The following SGSM1 variants were observed in gnomAD, a reference collection of about 807,000 sequenced individuals.
SGSM1 encodes small G protein signaling modulator 1, also known as RUN and TBC1 domain containing 2.
In SGSM1, 73 loss-of-function variants were observed where a neutral mutation model predicts 133.8. That is an observed-to-expected ratio of 0.55 (90% CI 0.45 to 0.66). SGSM1 has a LOEUF of 0.66. SGSM1 is among the 30% of genes least tolerant of loss of function. The pLI is 0.00. For synonymous variants in SGSM1, 563 were observed against 573.0 expected (o/e 0.98, Z 0.25); for missense variants, 1,213 against 1,448.1 (o/e 0.84, Z 2.64).
Position 24,920,154 on chromosome 22 carries a change from C to T in SGSM1, c.3193+161C>T, listed in dbSNP as rs146987646. 4.4e-4 allele frequency among the ~76,000 whole-genome samples: 67 copies of T among 152,268 alleles called. 1 individual carries two copies. In the East Asian group the frequency reaches 0.012, roughly 27 times the overall value. ...GGCTATTTCCAAAAGGACGAGTTCA[C>T]ATCTTGTAATGCTGAGGGTGCATTT... On this transcript the variant is annotated intron_variant, in intron 24 of 24. Transcript: ENST00000400358.
At chr22:24,867,602 C>T (rs1471867357) in intron 10 of SGSM1, among the ~76,000 whole-genome samples, 3 of 152,290 alleles carry the variant, frequency 2.0e-5, no homozygotes, top group Admixed American at 6.5e-5. Context: ...GCTCCAGAGC[C>T]GGGACTGGAC....
intron 21 of SGSM1, 86 bp downstream of exon 21, chr22:24,905,273 G>A (rs1440132373): frequency 2.3e-6 from 3 of 1,328,470 alleles, no homozygotes; most frequent in African/African-American, 1.4e-5. Context: ...TTGTGACTCT[G>A]TAGAATGTGG....
intron 2 of SGSM1, among the ~76,000 whole-genome samples, chr22:24,825,441 A>G (rs7292826): frequency 0.6 from 90,725 of 151,814 alleles, 28,523 homozygotes; most frequent in East Asian, 0.86. Context: ...TATGTTTTAT[A>G]TTTTTTGAGA....
chr22:24,907,027 C>G (rs144212093), intron 21 of SGSM1, among the ~76,000 whole-genome samples: 1 of 147,472 alleles, frequency 6.8e-6, no homozygotes, highest in Non-Finnish European at 1.5e-5. Context: ...TTGGGAGCCT[C>G]GGTGGGTGGA....
At chr22:24,848,835 C>T (rs919351242) in intron 4 of SGSM1, among the ~76,000 whole-genome samples, 1 of 152,256 alleles carries the variant, frequency 6.6e-6, no homozygotes, top group Non-Finnish European at 1.5e-5. Context: ...ATGAGAATGG[C>T]CCTTTCCTTG....
In SGSM1 at chr22:24,900,917, C is replaced by T. The variant is rs187506234; in HGVS notation, c.2611-916C>T. ...TTAAGACCCAGGTGGAAGGTAGATT[C>T]CTCAAGAGAGGGGTTTTCTTCTGCT... On this transcript the variant is annotated intron_variant, in intron 19 of 24. Transcript: ENST00000400358. 7.8e-4 allele frequency among the ~76,000 whole-genome samples: 119 copies of T among 152,200 alleles called. 1 individual carries two copies. The highest frequency in any genetic ancestry group is 3.4e-3 in the Middle Eastern group (1 of 294).
At chr22:24,885,339 T>C (rs1932538285) in intron 15 of SGSM1, among the ~76,000 whole-genome samples, 1 of 152,082 alleles carries the variant, frequency 6.6e-6, no homozygotes, top group African/African-American at 2.4e-5. Context: ...TATTAATTCA[T>C]TATAGCCTCC....
At chr22:24,807,888 CGTGTGT>C (rs71189301) in intron 2 of SGSM1, among the ~76,000 whole-genome samples, 2 of 147,664 alleles carry the variant, frequency 1.4e-5, no homozygotes, top group Non-Finnish European at 3.0e-5. Context: ...TATGTGCCTG[CGTGTGT>C]GTGTGTGTGT....
At chr22:24,808,271 G>A (rs547205832) in intron 2 of SGSM1, among the ~76,000 whole-genome samples, 34 of 151,882 alleles carry the variant, frequency 2.2e-4, no homozygotes, top group East Asian at 3.9e-4. Flanking sequence ...CACCATGTCC[G>A]GCTAATTTTT....
chr22:24,867,499 T>C (rs2147872983), intron 10 of SGSM1, among the ~76,000 whole-genome samples: 1 of 152,348 alleles, frequency 6.6e-6, no homozygotes. Context: ...ACATGCCCGT[T>C]ATTCAGTCAT....
At position 24,844,916 on chromosome 22, in the gene SGSM1, A is replaced by G. The variant is rs1569144148; in HGVS notation, c.83A>G (p.Glu28Gly). ...VKKEVKQIME[E>G]AVTRKFVHED... ...TTCCAGGTGAAGCAGATCATGGAGGAGGCTGTGACACGCAAGTTTGTCCAC... is the reference window on the plus strand; with the variant it reads ...TTCCAGGTGAAGCAGATCATGGAGGGGGCTGTGACACGCAAGTTTGTCCAC... The change falls in exon 3 of 25, where the codon GAG becomes GGG. Residue 28 changes from glutamate (E) to glycine (G), a missense_variant. Glu to Gly is a moderately conservative substitution (Grantham distance 98, BLOSUM62 -2). Transcript: ENST00000400358. The G allele has an allele frequency of 1.2e-6, 2 of 1,613,682 alleles. No individual in the cohort carries two copies. The highest frequency in any genetic ancestry group is 1.3e-5 in the African/African-American group (1 of 74,948).
intron 15 of SGSM1, among the ~76,000 whole-genome samples, chr22:24,884,817 T>A: frequency 6.6e-6 from 1 of 152,150 alleles, no homozygotes; most frequent in East Asian, 1.9e-4. Context: ...GAAAATGAAA[T>A]TTTAAAAAGA....
chr22:24,915,343 G>A (rs932161435), intron 22 of SGSM1, among the ~76,000 whole-genome samples: 5 of 152,238 alleles, frequency 3.3e-5, no homozygotes, highest in African/African-American at 1.2e-4. Flanking sequence ...GAGTCCAATT[G>A]CTGGAGCAGA....
Position 24,924,358 on chromosome 22 carries a change from C to A in SGSM1, c.*84C>A. On this transcript the variant is annotated 3_prime_UTR_variant, in exon 25 of 25. Coordinates refer to ENST00000400358, the MANE Select transcript of SGSM1 (RefSeq NM_001098497.3). The stretch of plus-strand genomic sequence containing the variant: ...TTTTCCTCCTGGCTGGATGGGCACC[C>A]CGGGAGCGGGGTCCTGGTGTCTGTT... 1.6e-6 allele frequency: 2 copies of A among 1,222,352 alleles called. No individual in the cohort carries two copies. The highest frequency in any genetic ancestry group is 4.8e-5 in the East Asian group (2 of 41,238). 75.7% of individuals were successfully genotyped at this position (1,222,352 alleles called of 1,614,324 possible).
intron 9 of SGSM1, among the ~76,000 whole-genome samples, chr22:24,866,439 T>A (rs913672420): frequency 2.0e-5 from 3 of 152,136 alleles, no homozygotes; most frequent in Non-Finnish European, 4.4e-5. Flanking sequence ...AGGATGTGAG[T>A]TAGTCAAGAC....
intron 2 of SGSM1, among the ~76,000 whole-genome samples, chr22:24,809,929 C>G (rs1439997313): frequency 1.3e-5 from 2 of 152,120 alleles, no homozygotes; most frequent in African/African-American, 4.8e-5. Flanking sequence ...ATGAGTAGGA[C>G]TTTAAGGTGA....
chr22:24,836,664 T>G (rs1929448135), intron 2 of SGSM1, among the ~76,000 whole-genome samples: 1 of 152,246 alleles, frequency 6.6e-6, no homozygotes, highest in African/African-American at 2.4e-5. Context: ...GGTATCTCAT[T>G]GTGGTTTTGA....
chr22:24,862,834 C>T (rs1406230996), intron 9 of SGSM1, among the ~76,000 whole-genome samples: 2 of 152,182 alleles, frequency 1.3e-5, no homozygotes, highest in Non-Finnish European at 2.9e-5. Flanking sequence ...CAATGAGCCT[C>T]AGGGTTCCCT....
chr22:24,883,021 CG>C lies in SGSM1; in HGVS notation c.1496-1030del, dbSNP rs1932419037. Among the ~76,000 whole-genome samples, 3 of 151,978 alleles carry C rather than the reference CG, an allele frequency of 2.0e-5. No individual in the cohort carries two copies. The South Asian group carries it at 6.2e-4, about 32-fold the overall frequency. On this transcript the variant is annotated intron_variant, in intron 14 of 24. Coordinates refer to ENST00000400358, the MANE Select transcript of SGSM1 (RefSeq NM_001098497.3). ...CACGCCATTCTCCTGCCTCAGCCTC[CG>C]GAGTAGCTGGGACTACAGGTGCCGG... is the stretch of plus-strand genomic sequence containing the variant.
Sources: gnomAD v4.1 joint callset for allele counts (sites outside exome capture counted in the v4.1 genomes callset) on GRCh38, gnomAD v4.1.1 for gene constraint, MANE v1.5 for transcripts, NCBI Gene and HGNC (gene_info 2026-07-23, HGNC 2026-07-21) for gene names.